Variants in ARHGEF28 observed in about 807,000 individuals in gnomAD.
ARHGEF28 encodes Rho guanine nucleotide exchange factor 28.
In ARHGEF28, 152 loss-of-function variants were observed where a neutral mutation model predicts 206.6. The ratio of observed to expected loss-of-function variants is 0.74; its 90% CI spans 0.64 to 0.84. ARHGEF28 has a LOEUF of 0.84. Among genes scored for constraint, ARHGEF28 ranks in the 40% least tolerant of loss-of-function variants. ARHGEF28 has a pLI of 0.00. For synonymous variants in ARHGEF28, 763 were observed against 776.4 expected (o/e 0.98, Z 0.29); for missense variants, 2,028 against 2,073.2 (o/e 0.98, Z 0.42).
intron 33 of ARHGEF28, among the ~76,000 whole-genome samples, chr5:73,907,973 G>A (rs192873381): frequency 2.6e-5 from 4 of 152,222 alleles, no homozygotes; most frequent in African/African-American, 9.6e-5. Flanking sequence ...GGTCCCTAAA[G>A]ATTTATTAGA....
chr5:73,803,825 G>A (rs2973541), intron 9 of ARHGEF28, among the ~76,000 whole-genome samples: 88,264 of 151,962 alleles, frequency 0.58, 26,592 homozygotes, highest in African/African-American at 0.75. Flanking sequence ...AGTGCCTCAC[G>A]CCTGTAATCC....
chr5:73,874,555 T>A (rs1404618739), intron 22 of ARHGEF28, among the ~76,000 whole-genome samples: 1 of 25,830 alleles, frequency 3.9e-5, no homozygotes, highest in Non-Finnish European at 7.0e-5. Flanking sequence ...ATGCTATCCC[T>A]CCCCCCTCCC....
intron 35 of ARHGEF28, among the ~76,000 whole-genome samples, chr5:73,934,906 G>A (rs1394807759): frequency 2.0e-5 from 3 of 152,180 alleles, no homozygotes; most frequent in Non-Finnish European, 4.4e-5. Flanking sequence ...TCAAGGAAGA[G>A]GGAAATGTAG....
chr5:73,677,068 C>T (rs1266226005), intron 1 of ARHGEF28, among the ~76,000 whole-genome samples: 2 of 152,164 alleles, frequency 1.3e-5, no homozygotes, highest in Non-Finnish European at 2.9e-5. Flanking sequence ...AAACAGTATA[C>T]ACAAAATCTG....
At chr5:73,905,986 T>G (rs1258679576) in intron 33 of ARHGEF28, among the ~76,000 whole-genome samples, 3 of 152,222 alleles carry the variant, frequency 2.0e-5, no homozygotes, top group Non-Finnish European at 2.9e-5. Context: ...GCTTCATATC[T>G]TGTTGAATTT....
intron 35 of ARHGEF28, among the ~76,000 whole-genome samples, chr5:73,936,165 G>A (rs997671359): frequency 2.0e-5 from 3 of 152,140 alleles, no homozygotes; most frequent in Admixed American, 6.5e-5. Context: ...GTAAGACAAC[G>A]CTTTTCTACT....
intron 1 of ARHGEF28, among the ~76,000 whole-genome samples, chr5:73,637,637 T>C (rs1461953512): frequency 6.6e-6 from 1 of 152,158 alleles, no homozygotes; most frequent in Non-Finnish European, 1.5e-5. Context: ...TCCAAAGCTT[T>C]TTTACTTCAG....
intron 26 of ARHGEF28, among the ~76,000 whole-genome samples, chr5:73,888,132 C>T (rs1028208595): frequency 6.6e-6 from 1 of 152,222 alleles, no homozygotes. Context: ...TGGCTTTCTC[C>T]ATGCCCATTG....
chr5:73,763,805 C>G (rs1368989135), intron 4 of ARHGEF28, among the ~76,000 whole-genome samples: 1 of 152,158 alleles, frequency 6.6e-6, no homozygotes, highest in Non-Finnish European at 1.5e-5. Flanking sequence ...ACTTACAACA[C>G]CTAATGACCG....
chr5:73,631,343 T>C (rs1743353400), intron 1 of ARHGEF28, among the ~76,000 whole-genome samples: 1 of 152,152 alleles, frequency 6.6e-6, no homozygotes, highest in African/African-American at 2.4e-5. Context: ...TTTTCAACAG[T>C]GCTTCTCCTT....
intron 11 of ARHGEF28, among the ~76,000 whole-genome samples, chr5:73,842,788 A>G (rs942120455): frequency 1.3e-5 from 2 of 152,160 alleles, no homozygotes; most frequent in East Asian, 1.9e-4. Flanking sequence ...AGACCAGCCT[A>G]GGCGGCCAAC....
At chr5:73,893,357 A>G (rs533393551) in intron 28 of ARHGEF28, 69 bp downstream of exon 28, 15 of 1,290,172 alleles carry the variant, frequency 1.2e-5, no homozygotes, top group African/African-American at 9.0e-5. Flanking sequence ...CCTGAGTGTC[A>G]TGAACAGGAG....
chr5:73,646,179 ATGAT>A (rs1449046481), intron 1 of ARHGEF28, among the ~76,000 whole-genome samples: 2 of 152,042 alleles, frequency 1.3e-5, no homozygotes, highest in Non-Finnish European at 1.5e-5. Flanking sequence ...ATTCCCTGGG[ATGAT>A]TTTACCTGTT....
intron 4 of ARHGEF28, among the ~76,000 whole-genome samples, chr5:73,755,452 C>T (rs745875257): frequency 1.2e-4 from 18 of 152,154 alleles, no homozygotes; most frequent in Non-Finnish European, 2.5e-4. Context: ...GCAAGTCTCT[C>T]AGCACAGCAG....
intron 26 of ARHGEF28, among the ~76,000 whole-genome samples, chr5:73,890,934 GA>G (rs1761589763): frequency 6.6e-6 from 1 of 152,156 alleles, no homozygotes; most frequent in South Asian, 2.1e-4. Context: ...GTTCCTCTTT[GA>G]ATCCCCAGTG....
At chr5:73,915,802 T>C (rs558076302) in intron 35 of ARHGEF28, among the ~76,000 whole-genome samples, 18 of 152,342 alleles carry the variant, frequency 1.2e-4, no homozygotes, top group African/African-American at 3.8e-4. Context: ...TAATCTCCCT[T>C]TTCAGTTGTA....
At chr5:73,721,700 G>A (rs1387148515) in intron 2 of ARHGEF28, among the ~76,000 whole-genome samples, 1 of 152,136 alleles carries the variant, frequency 6.6e-6, no homozygotes, top group Admixed American at 6.6e-5. Context: ...GGCCTCCCAA[G>A]TAGCTGGAAT....
intron 31 of ARHGEF28, 53 bp from the exon 32 acceptor site, chr5:73,904,169 A>G (rs1762423044): frequency 6.3e-7 from 1 of 1,587,290 alleles, no homozygotes; most frequent in Non-Finnish European, 8.7e-7. Context: ...ACTGCAGGGC[A>G]GCTTTTCAGA....
intron 2 of ARHGEF28, among the ~76,000 whole-genome samples, chr5:73,736,818 T>G (rs1696268119): frequency 6.6e-6 from 1 of 151,852 alleles, no homozygotes; most frequent in Admixed American, 6.6e-5. Flanking sequence ...AACGTCGAAT[T>G]TTATGGGACC....
Sources: gnomAD v4.1 joint callset for allele counts (sites outside exome capture counted in the v4.1 genomes callset) on GRCh38, gnomAD v4.1.1 for gene constraint, MANE v1.5 for transcripts, NCBI Gene and HGNC (gene_info 2026-07-23, HGNC 2026-07-21) for gene names.